The following TMEM114 variants were observed in gnomAD, a reference collection of about 807,000 sequenced individuals.
TMEM114 encodes claudin-26.
In TMEM114, 6 loss-of-function variants were observed where a neutral mutation model predicts 6.2. The observed-to-expected ratio is 0.97, with a 90% CI of 0.53 to 1.91. The LOEUF (loss-of-function observed/expected upper bound fraction) is 1.91, where lower values mean the gene tolerates loss of function less well. TMEM114 is among the 40% of genes most tolerant of loss of function. The pLI is 0.01. For synonymous variants in TMEM114, 104 were observed against 73.0 expected, an observed-to-expected ratio of 1.42 and a Z score of -2.16; for missense variants, 218 against 158.3, an observed-to-expected ratio of 1.38 and a Z score of -2.02.
intron 2 of TMEM114, among the ~76,000 whole-genome samples, chr16:8,543,296 G>GT (rs1238248634): frequency 6.6e-6 from 1 of 151,934 alleles, no homozygotes; most frequent in Non-Finnish European, 1.5e-5. Context: ...TTATTTTATC[G>GT]TTCCCCCTTG....
chr16:8,580,681 G>A (rs1902111615), intron 2 of TMEM114, among the ~76,000 whole-genome samples: 1 of 151,850 alleles, frequency 6.6e-6, no homozygotes, highest in Non-Finnish European at 1.5e-5. Context: ...ATGCACACTT[G>A]ATTATACTTT....
intron 2 of TMEM114, among the ~76,000 whole-genome samples, chr16:8,545,921 C>G (rs1217313773): frequency 6.6e-6 from 1 of 152,092 alleles, no homozygotes; most frequent in Non-Finnish European, 1.5e-5. Context: ...TTGAAACCAG[C>G]CTGGGCAACA....
In TMEM114 at chr16:8,539,042, A is replaced by G. The variant is rs151305518; in HGVS notation, n.213-1216T>C. Among the ~76,000 whole-genome samples, 65 of 152,346 alleles carry G rather than the reference A, an allele frequency of 4.3e-4. 3 individuals are homozygous for G. The East Asian group carries it at 9.5e-3, about 22-fold the overall frequency. On this transcript the variant is annotated intron_variant and non_coding_transcript_variant, in intron 2 of 2. Transcript: ENST00000623677. ...AATAACTTCATGTTTGAATGAATAAATAAATTCTGATTATTAAATAGCGTA... is the reference window on the plus strand; with the variant it reads ...AATAACTTCATGTTTGAATGAATAAGTAAATTCTGATTATTAAATAGCGTA...
chr16:8,527,015 C>G, the TMEM114 span, among the ~76,000 whole-genome samples: 5 of 152,180 alleles, frequency 3.3e-5, no homozygotes, highest in Non-Finnish European at 4.4e-5. Flanking sequence ...CAAGACCAGC[C>G]TGGCCAACAT....
rs375475296 is a variant in TMEM114, at chr16:8,561,351, C to A, written n.213-23525G>T. On this transcript the variant is annotated intron_variant and non_coding_transcript_variant, in intron 2 of 2. Transcript: ENST00000623677. ...CATTATTTTCATCGTACAACACACT[C>A]TTCCCTGCCACCTTCTCCCCATCTG... is the stretch of plus-strand genomic sequence containing the variant. 3.7e-3 allele frequency among the ~76,000 whole-genome samples: 558 copies of A among 152,382 alleles called. 3 individuals are homozygous for A. The highest frequency in any genetic ancestry group is 5.9e-3 in the Non-Finnish European group (404 of 68,040).
chr16:8,556,885 C>T (rs1391754102), intron 2 of TMEM114, among the ~76,000 whole-genome samples: 1 of 152,212 alleles, frequency 6.6e-6, no homozygotes, highest in African/African-American at 2.4e-5. Context: ...TCACATTGAT[C>T]TCAATGCTCC....
intron 2 of TMEM114, among the ~76,000 whole-genome samples, chr16:8,580,751 GC>G (rs1157499796): frequency 6.6e-6 from 1 of 152,060 alleles, no homozygotes; most frequent in Non-Finnish European, 1.5e-5. Context: ...AGTGCCGTGG[GC>G]CTTATCTCGG....
At chr16:8,563,054 TGAA>T (rs1241040533) in intron 2 of TMEM114, among the ~76,000 whole-genome samples, 4 of 25,270 alleles carry the variant, frequency 1.6e-4, no homozygotes, top group African/African-American at 8.5e-4. Context: ...GTAAATTGAG[TGAA>T]TGAGTAAGTG....
intron 3 of TMEM114, 107 bp from the exon 4 acceptor site, chr16:8,570,112 G>C: frequency 4.3e-6 from 6 of 1,392,614 alleles, no homozygotes; most frequent in Non-Finnish European, 5.8e-6. Flanking sequence ...CAGCGTCCTC[G>C]CTCCTTCCTG....
chr16:8,578,832 A>G (rs12709235), intron 2 of TMEM114, among the ~76,000 whole-genome samples: 82,832 of 151,932 alleles, frequency 0.55, 23,173 homozygotes, highest in East Asian at 0.86. Flanking sequence ...CACAAAAATT[A>G]GCTGGGCTTG....
At chr16:8,528,021 G>A in the TMEM114 span, among the ~76,000 whole-genome samples, 9 of 152,050 alleles carry the variant, frequency 5.9e-5, no homozygotes, top group African/African-American at 1.2e-4. Context: ...TTATTCTCCC[G>A]CCTCAGCTTC....
chr16:8,561,220 C>A (rs1283783727), intron 2 of TMEM114, among the ~76,000 whole-genome samples: 1 of 152,232 alleles, frequency 6.6e-6, no homozygotes, highest in Non-Finnish European at 1.5e-5. Flanking sequence ...TAGGGAGATT[C>A]CCCTTCCCTT....
intron 2 of TMEM114, among the ~76,000 whole-genome samples, chr16:8,585,135 C>G (rs1371340935): frequency 6.6e-6 from 1 of 152,108 alleles, no homozygotes; most frequent in Non-Finnish European, 1.5e-5. Flanking sequence ...GGGGAACCCC[C>G]TTTATAAAAC....
At chr16:8,553,683 G>A (rs1008336028) in intron 2 of TMEM114, among the ~76,000 whole-genome samples, 2 of 152,034 alleles carry the variant, frequency 1.3e-5, no homozygotes, top group African/African-American at 4.8e-5. Context: ...GGGCTTCACT[G>A]TGTTAGCCAG....
At chr16:8,574,824 C>T (rs1057034571) in intron 2 of TMEM114, among the ~76,000 whole-genome samples, 1 of 152,080 alleles carries the variant, frequency 6.6e-6, no homozygotes, top group Non-Finnish European at 1.5e-5. Flanking sequence ...TGTCCACATT[C>T]GATTAAACGC....
At chr16:8,552,315 T>C (rs1165551411) in intron 2 of TMEM114, among the ~76,000 whole-genome samples, 4 of 151,776 alleles carry the variant, frequency 2.6e-5, no homozygotes, top group African/African-American at 4.8e-5. Flanking sequence ...ACCCAGGAGG[T>C]TGAGGCTGTA....
chr16:8,561,380 T>C (rs139988714), intron 2 of TMEM114, among the ~76,000 whole-genome samples: 1 of 152,362 alleles, frequency 6.6e-6, no homozygotes, highest in Non-Finnish European at 1.5e-5. Context: ...CCATCTGCTT[T>C]ACAGAACTTC....
At chr16:8,562,249 T>A (rs1178811621) in intron 2 of TMEM114, among the ~76,000 whole-genome samples, 1 of 150,008 alleles carries the variant, frequency 6.7e-6, no homozygotes, top group South Asian at 2.1e-4. Context: ...AATGAGTGAC[T>A]GAGTAAATGA....
Position 8,569,842 on chromosome 16 carries a change from G to C in TMEM114, c.603C>G (p.Leu201=), listed in dbSNP as rs762669006. The C allele has an allele frequency of 1.9e-6, 3 of 1,551,030 alleles. No individual in the cohort carries two copies. Among genetic ancestry groups the C allele is most frequent in the South Asian group, 1.2e-5 (1 of 84,068 alleles). ...LGWISFIAEL[L]TGAAFLAAAR... ...CTGCTGCCAGGAAGGCTGCCCCGGT[G>C]AGCAGCTCGGCGATGAAGCTGATCC... The change falls in exon 4 of 4, where the codon CTC becomes CTG. Residue 201 remains leucine (L), a synonymous_variant. Transcript: ENST00000620492.
Sources: gnomAD v4.1 joint callset for allele counts (sites outside exome capture counted in the v4.1 genomes callset) on GRCh38, gnomAD v4.1.1 for gene constraint, MANE v1.5 for transcripts, NCBI Gene and HGNC (gene_info 2026-07-23, HGNC 2026-07-21) for gene names.